The following BCL3 variants were observed in gnomAD, a reference collection of about 807,000 sequenced individuals.
The protein encoded by BCL3 is BCL3 transcription coactivator, also known as B-cell lymphoma 3 protein.
A neutral mutation model predicts 35.7 loss-of-function variants in BCL3; 15 were observed. The observed-to-expected ratio is 0.42, with a 90% confidence interval of 0.28 to 0.65. The LOEUF (loss-of-function observed/expected upper bound fraction) is 0.65, where lower values mean the gene tolerates loss of function less well. BCL3 is among the 30% of genes least tolerant of loss of function. The probability of loss-of-function intolerance (pLI) is 0.22; values close to 1 mark genes in which losing one functional copy is unlikely to be tolerated. For missense variants in BCL3, 565 were observed against 641.7 expected (o/e 0.88, Z 1.29); for synonymous variants, 311 against 284.3 (o/e 1.09, Z -0.95).
intron 2 of BCL3, among the ~76,000 whole-genome samples, chr19:44,753,572 G>A (rs1967222568): frequency 6.6e-6 from 1 of 152,146 alleles, no homozygotes; most frequent in Non-Finnish European, 1.5e-5. Flanking sequence ...CCCTTCCGCT[G>A]GGGCTGAGAC....
Position 44,759,670 on chromosome 19 carries a change from G to GGGTCA in BCL3, c.*56_*60dup, listed in dbSNP as rs1967387169. Reference sequence around the variant, plus strand: ...TGAGGAGGGGCCCCCCTGCCCTGTGGGGTCAACCCTTCTGGAAACTGTGAA... The same window carrying GGGTCA: ...TGAGGAGGGGCCCCCCTGCCCTGTGGGGTCAGGTCAACCCTTCTGGAAACTGTGAA... On this transcript the variant is annotated 3_prime_UTR_variant, in exon 9 of 9. Coordinates refer to ENST00000164227, the MANE Select transcript of BCL3 (RefSeq NM_005178.5). 7.3e-7 allele frequency: 1 copy of GGGTCA among 1,361,520 alleles called. No individual in the cohort carries two copies. The highest frequency in any genetic ancestry group is 9.9e-7 in the Non-Finnish European group (1 of 1,006,692). The allele number at this position is 1,361,520 out of a possible 1,614,324, so 84.3% of individuals were successfully genotyped here.
At chr19:44,759,314 C>G (rs1056973447) in intron 8 of BCL3, 114 bp from the exon 9 acceptor site, 3 of 646,810 alleles carry the variant, frequency 4.6e-6, no homozygotes, top group Non-Finnish European at 7.3e-6. Context: ...CTCCCTCAGA[C>G]CCGAGTCCAG....
Position 44,758,428 on chromosome 19 carries a change from C to T in BCL3, c.1059+15C>T. The T allele has an allele frequency of 6.5e-7, 1 of 1,538,268 alleles. No homozygotes were observed. The highest frequency in any genetic ancestry group is 1.7e-4 in the Middle Eastern group (1 of 5,758). On this transcript the variant is annotated intron_variant, in intron 7 of 8. Coordinates refer to ENST00000164227, the MANE Select transcript of BCL3 (RefSeq NM_005178.5). ...GCAGCCGCAGGGTGAGCCGGGGCAG[C>T]TGTGGACATGCCCCTTGCACACGTG... is the stretch of plus-strand genomic sequence containing the variant.
upstream of BCL3, chr19:44,748,679 A>T (rs1371103556): frequency 3.8e-6 from 4 of 1,040,396 alleles, no homozygotes; most frequent in Admixed American, 5.6e-5. Context: ...GCCCCGGCCG[A>T]CAAAAGTCCC....
chr19:44,756,392 C>T, intron 3 of BCL3, 52 bp downstream of exon 3: 1 of 1,184,452 alleles, frequency 8.4e-7, no homozygotes, highest in South Asian at 2.5e-5. Flanking sequence ...CTGGGTCTGA[C>T]AGAGGAGGGG....
chr19:44,758,748 G>C lies in BCL3; in HGVS notation c.1084G>C (p.Ala362Pro). Residue 362 changes from alanine (A) to proline (P), a missense_variant, in exon 8 of 9, where the codon GCC (alanine) becomes CCC (proline). This residue lies in a region of BCL3 where 151 missense variants were observed against 138.1 expected (regional missense o/e 1.09). Transcript: ENST00000164227. The stretch of plus-strand genomic sequence containing the variant: ...GGTCATCGACATCCTGAGGGGGAAG[G>C]CCACCCGGCCTGCTTCCACCTCCCA... ...RRVIDILRGK[A>P]TRPASTSQPD... The C allele has an allele frequency of 6.2e-7, 1 of 1,604,078 alleles. No homozygotes were observed. The highest frequency in any genetic ancestry group is 8.5e-7 in the Non-Finnish European group (1 of 1,176,180).
At chr19:44,751,088 G>T in intron 1 of BCL3, 139 bp from the exon 2 acceptor site, 3 of 1,100,008 alleles carry the variant, frequency 2.7e-6, no homozygotes, top group South Asian at 1.7e-5. Flanking sequence ...AGGCCCTGAG[G>T]ACCCTGTATG....
chr19:44,748,993 C>T lies in BCL3; in HGVS notation c.203C>T (p.Ala68Val), dbSNP rs759505305. The T allele has an allele frequency of 8.2e-5, 114 of 1,384,706 alleles. No individual in the cohort carries two copies. Among genetic ancestry groups the T allele is most frequent in the Admixed American group, 3.6e-4 (12 of 33,784 alleles). The allele number at this position is 1,384,706 out of a possible 1,614,324, so 85.8% of individuals were successfully genotyped here. The change falls in exon 1 of 9, where the codon GCG becomes GTG. Residue 68 changes from alanine (A) to valine (V), a missense_variant. Ala to Val is a moderately conservative substitution (Grantham distance 64). Around this residue, in one of 5 missense-constraint regions of BCL3, gnomAD observed 267 missense variants for 281.5 expected, o/e 0.95. Coordinates refer to ENST00000164227, the MANE Select transcript of BCL3 (RefSeq NM_005178.5). ...DPLRGGCDLP[A>V]VPGPPHGLAR... The stretch of plus-strand genomic sequence containing the variant: ...CTGCGCGGCGGCTGCGACCTGCCGG[C>T]GGTCCCCGGGCCCCCCCACGGCCTG...
chr19:44,757,810 C>G lies in BCL3; in HGVS notation c.891+87C>G, dbSNP rs1049200483. On this transcript the variant is annotated intron_variant, in intron 6 of 8. Coordinates refer to ENST00000164227, the MANE Select transcript of BCL3 (RefSeq NM_005178.5). The surrounding 1 kb of genome is among the most constrained non-coding windows in gnomAD (Gnocchi z 8.4). ...CCTCAGCCCCTAGCTCTGACCCCGCCTTCCACTTCTGGCTCCGGCTCCTGC... is the reference window on the plus strand; with the variant it reads ...CCTCAGCCCCTAGCTCTGACCCCGCGTTCCACTTCTGGCTCCGGCTCCTGC... 1.5e-6 allele frequency: 2 copies of G among 1,308,728 alleles called. No homozygotes were observed. The highest frequency in any genetic ancestry group is 2.2e-6 in the Non-Finnish European group (2 of 920,564). The allele number at this position is 1,308,728 out of a possible 1,614,324, so 81.1% of individuals were successfully genotyped here. A position where few individuals can be genotyped will look rare whatever the true frequency, so the allele number is the denominator to read the frequency against.
chr19:44,757,318 C>T lies in BCL3; in HGVS notation c.725-9C>T. The stretch of plus-strand genomic sequence containing the variant: ...GGCCTAGGTTTCACCGAGCCCTCCT[C>T]TCCCTCAGGGCTCACCGCCCTGCAC... On this transcript the variant is annotated splice_polypyrimidine_tract_variant and intron_variant, in intron 4 of 8. Coordinates refer to ENST00000164227, the MANE Select transcript of BCL3 (RefSeq NM_005178.5). The surrounding 1 kb of genome is among the most constrained non-coding windows in gnomAD (Gnocchi z 8.4). The T allele has an allele frequency of 6.3e-7, 1 of 1,596,994 alleles. No homozygotes were observed. The highest frequency in any genetic ancestry group is 2.3e-5 in the East Asian group (1 of 43,488).
intron 2 of BCL3, among the ~76,000 whole-genome samples, chr19:44,752,151 C>T (rs952129847): frequency 6.6e-6 from 1 of 151,622 alleles, no homozygotes; most frequent in Non-Finnish European, 1.5e-5. Flanking sequence ...CAATACTCGC[C>T]CTTACTATGT....
chr19:44,754,943 C>T (rs1435888646), intron 2 of BCL3, among the ~76,000 whole-genome samples: 3 of 152,268 alleles, frequency 2.0e-5, no homozygotes, highest in African/African-American at 7.2e-5. Context: ...GATTTCTGCA[C>T]TCCATCAGAA....
chr19:44,759,676 A>G lies in BCL3; in HGVS notation c.*61A>G. 8.1e-7 allele frequency: 1 copy of G among 1,227,644 alleles called. No individual in the cohort carries two copies. Among genetic ancestry groups the G allele is most frequent in the Non-Finnish European group, 1.1e-6 (1 of 900,114 alleles). 76.0% of individuals were successfully genotyped at this position (1,227,644 alleles called of 1,614,324 possible). ...GGGGCCCCCCTGCCCTGTGGGGTCA[A>G]CCCTTCTGGAAACTGTGAAGATCTC... On this transcript the variant is annotated 3_prime_UTR_variant, in exon 9 of 9. Transcript: ENST00000164227.
rs749802072 is a variant in BCL3 at position 44,757,467 on chromosome 19, T to A, written c.813+52T>A. ...GAGCGGGGCCTTAGCAGGGGCGGGG[T>A]CTTGGCGGGGGCGGGGCCAGTGTGG... On this transcript the variant is annotated intron_variant, in intron 5 of 8. Transcript: ENST00000164227. The surrounding 1 kb of genome is among the most constrained non-coding windows in gnomAD (Gnocchi z 8.4). 9.3e-5 allele frequency: 137 copies of A among 1,470,930 alleles called. No individual in the cohort carries two copies. Among genetic ancestry groups the A allele is most frequent in the African/African-American group, 5.1e-4 (36 of 70,674 alleles). The allele number at this position is 1,470,930 out of a possible 1,614,324, so 91.1% of individuals were successfully genotyped here. A position where few individuals can be genotyped will look rare whatever the true frequency, so the allele number is the denominator to read the frequency against.
At chr19:44,752,565 C>A (rs1967201844) in intron 2 of BCL3, among the ~76,000 whole-genome samples, 1 of 151,972 alleles carries the variant, frequency 6.6e-6, no homozygotes, top group South Asian at 2.1e-4. Context: ...TGGTCACAGC[C>A]CACTACATTA....
At chr19:44,749,715 A>T (rs1967140979) in intron 1 of BCL3, among the ~76,000 whole-genome samples, 1 of 152,234 alleles carries the variant, frequency 6.6e-6, no homozygotes, top group South Asian at 2.1e-4. Context: ...CTGGGTACTC[A>T]GTTATGTGGG....
At chr19:44,755,673 A>C (rs753159694) in intron 2 of BCL3, among the ~76,000 whole-genome samples, 20 of 152,160 alleles carry the variant, frequency 1.3e-4, no homozygotes, top group Non-Finnish European at 2.4e-4. Context: ...GCACTTTGGG[A>C]GGCTGAGGCT....
chr19:44,749,088 A>T, intron 1 of BCL3, 42 bp downstream of exon 1: 1 of 1,129,148 alleles, frequency 8.9e-7, no homozygotes. Context: ...GGATCCACAC[A>T]GAGCATAGGG....
upstream of BCL3, chr19:44,747,996 G>C (rs1413256555): frequency 1.5e-6 from 2 of 1,337,868 alleles, no homozygotes; most frequent in African/African-American, 1.5e-5. Context: ...GGCAGAGATG[G>C]AAGAGGGGAG....
Sources: gnomAD v4.1 joint callset for allele counts (sites outside exome capture counted in the v4.1 genomes callset) on GRCh38, gnomAD v4.1.1 for gene constraint, gnomAD v4.1.1 regional missense constraint, Gnocchi (gnomAD v3.1) non-coding constraint, MANE v1.5 for transcripts, NCBI Gene and HGNC (gene_info 2026-07-23, HGNC 2026-07-21) for gene names.